SLC4A10: variants seen among roughly 807,000 people sequenced by gnomAD.
SLC4A10 encodes the protein sodium-driven chloride bicarbonate exchanger.
A neutral mutation model predicts 137.7 loss-of-function variants in SLC4A10; 42 were observed. The ratio of observed to expected loss-of-function variants is 0.30; its 90% CI spans 0.24 to 0.39. The LOEUF is 0.39. Ranked by LOEUF, SLC4A10 falls within the 10% of genes least tolerant of loss-of-function variation. The probability of loss-of-function intolerance (pLI) is 1.00; values close to 1 mark genes in which losing one functional copy is unlikely to be tolerated. For synonymous variants in SLC4A10, 474 were observed against 464.1 expected, an observed-to-expected ratio of 1.02 and a Z score of -0.27; for missense variants, 925 against 1,355.0, an observed-to-expected ratio of 0.68 and a Z score of 4.98.
chr2:161,659,095 C>A (rs777033466), intron 1 of SLC4A10, among the ~76,000 whole-genome samples: 7 of 152,018 alleles, frequency 4.6e-5, no homozygotes, highest in African/African-American at 1.2e-4. Context: ...AAAAAAGGTA[C>A]CTTCATTCAT....
At chr2:161,818,963 G>A (rs898612475) in intron 3 of SLC4A10, among the ~76,000 whole-genome samples, 1 of 152,030 alleles carries the variant, frequency 6.6e-6, no homozygotes, top group Admixed American at 6.6e-5. Flanking sequence ...CTCTGCCAGG[G>A]TTTGGTATCA....
intron 1 of SLC4A10, among the ~76,000 whole-genome samples, chr2:161,737,391 C>G (rs1354648360): frequency 2.0e-5 from 3 of 151,618 alleles, no homozygotes; most frequent in Non-Finnish European, 4.4e-5. Context: ...AAGAAGAAAG[C>G]CTACTTTTTA....
intron 15 of SLC4A10, among the ~76,000 whole-genome samples, chr2:161,929,106 G>T (rs1203764677): frequency 1.3e-5 from 2 of 151,994 alleles, no homozygotes; most frequent in African/African-American, 4.8e-5. Context: ...TAAACTAACT[G>T]ACCATCTTAG....
intron 1 of SLC4A10, among the ~76,000 whole-genome samples, chr2:161,659,606 G>C (rs190096328): frequency 6.6e-6 from 1 of 152,044 alleles, no homozygotes; most frequent in East Asian, 1.9e-4. Context: ...GAACAAAATC[G>C]CACTTATGCC....
intron 15 of SLC4A10, among the ~76,000 whole-genome samples, chr2:161,927,510 A>T (rs1298526270): frequency 6.6e-6 from 1 of 152,218 alleles, no homozygotes; most frequent in Non-Finnish European, 1.5e-5. Context: ...CAAAAGCCAA[A>T]ATTGACAAAT....
intron 2 of SLC4A10, among the ~76,000 whole-genome samples, chr2:161,784,841 CT>C (rs2053440826): frequency 6.7e-6 from 1 of 148,538 alleles, no homozygotes; most frequent in Non-Finnish European, 1.5e-5. Context: ...TTTGAAGGGA[CT>C]AGAAAAAAAA....
chr2:161,739,221 C>T (rs572176585), intron 1 of SLC4A10, among the ~76,000 whole-genome samples: 7 of 152,100 alleles, frequency 4.6e-5, no homozygotes, highest in Non-Finnish European at 8.8e-5. Context: ...CCTTCGCTAC[C>T]CTCTTTTATC....
At chr2:161,706,346 A>G (rs1366920733) in intron 1 of SLC4A10, among the ~76,000 whole-genome samples, 1 of 151,686 alleles carries the variant, frequency 6.6e-6, no homozygotes, top group East Asian at 1.9e-4. Flanking sequence ...TTCATTTAAT[A>G]ACTTTGATAT....
rs185053603 is a variant in SLC4A10 at position 161,650,060 on chromosome 2, C to A, written c.48+25494C>A. On this transcript the variant is annotated intron_variant, in intron 1 of 26. Transcript: ENST00000446997. ...ATTACATTCATATTTCACCAGTTTA[C>A]CCACTAATGGCCTTTTTCTGTTCCA... Among the ~76,000 whole-genome samples, 65 of 152,288 alleles carry A rather than the reference C, an allele frequency of 4.3e-4. No homozygotes were observed. The East Asian group carries it at 5.4e-3, about 13-fold the overall frequency.
At chr2:161,655,220 G>A (rs1158718426) in intron 1 of SLC4A10, among the ~76,000 whole-genome samples, 3 of 151,794 alleles carry the variant, frequency 2.0e-5, no homozygotes, top group African/African-American at 7.3e-5. Flanking sequence ...TGTTGATTTT[G>A]TATCTTGCAA....
At chr2:161,881,849 T>C (rs1345481285) in intron 9 of SLC4A10, among the ~76,000 whole-genome samples, 2 of 152,048 alleles carry the variant, frequency 1.3e-5, no homozygotes, top group East Asian at 3.8e-4. Flanking sequence ...TCTACGTGGC[T>C]GATCTTTGAT....
intron 1 of SLC4A10, among the ~76,000 whole-genome samples, chr2:161,742,339 G>A (rs550661823): frequency 6.6e-6 from 1 of 151,888 alleles, no homozygotes; most frequent in Non-Finnish European, 1.5e-5. Context: ...TTTATACATA[G>A]CAGTGAGGTT....
chr2:161,893,109 C>G (rs574741885), intron 10 of SLC4A10, among the ~76,000 whole-genome samples: 181 of 152,124 alleles, frequency 1.2e-3, no homozygotes, highest in African/African-American at 4.1e-3. Context: ...CTCATAACTT[C>G]CATTCAAAAC....
At chr2:161,931,267 T>A (rs988392879) in intron 15 of SLC4A10, 9 of 152,384 alleles carry the variant, frequency 5.9e-5, no homozygotes, top group African/African-American at 1.9e-4. Flanking sequence ...ATCCAGTGCA[T>A]GTCAAAGACA....
At chr2:161,937,106 G>A (rs1482235395) in intron 15 of SLC4A10, among the ~76,000 whole-genome samples, 1 of 152,044 alleles carries the variant, frequency 6.6e-6, no homozygotes, top group Non-Finnish European at 1.5e-5. Context: ...ACTGGTTGTT[G>A]AGGAGTATGT....
intron 1 of SLC4A10, among the ~76,000 whole-genome samples, chr2:161,754,231 A>T (rs982596620): frequency 6.6e-6 from 1 of 152,116 alleles, no homozygotes; most frequent in African/African-American, 2.4e-5. Flanking sequence ...TCGACTTCTA[A>T]ATAGTGCAAC....
At chr2:161,894,082 A>T (rs2063198846) in intron 10 of SLC4A10, among the ~76,000 whole-genome samples, 1 of 152,060 alleles carries the variant, frequency 6.6e-6, no homozygotes, top group Admixed American at 6.6e-5. Flanking sequence ...ATAGGAGTAT[A>T]TGCATAGGTT....
At chr2:161,854,945 G>T (rs777639631) in intron 4 of SLC4A10, 25 bp from the exon 5 acceptor site, 1 of 1,600,646 alleles carries the variant, frequency 6.2e-7, no homozygotes, top group Non-Finnish European at 8.5e-7. Flanking sequence ...AATATAAACT[G>T]TGCTGATAAT....
At chr2:161,792,889 T>C (rs2054359261) in intron 2 of SLC4A10, among the ~76,000 whole-genome samples, 1 of 152,102 alleles carries the variant, frequency 6.6e-6, no homozygotes, top group African/African-American at 2.4e-5. Flanking sequence ...GTGGCCACTT[T>C]GCACATAAAT....
Sources: allele counts gnomAD v4.1 joint callset (sites outside exome capture counted in the v4.1 genomes callset), GRCh38; gene constraint gnomAD v4.1.1; transcripts MANE v1.5; gene names NCBI Gene and HGNC (gene_info 2026-07-23, HGNC 2026-07-21).